TCF12: variants seen among roughly 807,000 people sequenced by gnomAD.
The protein encoded by TCF12 is DNA-binding protein HTF4.
A neutral mutation model predicts 86.0 loss-of-function variants in TCF12; 45 were observed. The ratio of observed to expected loss-of-function variants is 0.52; its 90% CI spans 0.41 to 0.67. The LOEUF (loss-of-function observed/expected upper bound fraction) is 0.67, where lower values mean the gene tolerates loss of function less well. Ranked by LOEUF, TCF12 falls within the 30% of genes least tolerant of loss-of-function variation. The pLI is 0.00. For missense variants in TCF12, 881 were observed against 859.9 expected (o/e 1.02, Z -0.31); for synonymous variants, 330 against 299.6 (o/e 1.10, Z -1.05).
chr15:57,012,880 C>T (rs1052575684), intron 3 of TCF12, among the ~76,000 whole-genome samples: 1 of 152,028 alleles, frequency 6.6e-6, no homozygotes, highest in Non-Finnish European at 1.5e-5. Flanking sequence ...TTCTAGTTTC[C>T]CTTATGCTTC....
At chr15:57,161,772 A>G (rs192984580) in intron 5 of TCF12, among the ~76,000 whole-genome samples, 137 of 152,320 alleles carry the variant, frequency 9.0e-4, no homozygotes, top group African/African-American at 3.2e-3. Flanking sequence ...AGTTTTTGTC[A>G]CAGTAGAACA....
At chr15:56,934,197 A>G (rs538116270) in intron 3 of TCF12, among the ~76,000 whole-genome samples, 16 of 152,278 alleles carry the variant, frequency 1.1e-4, no homozygotes, top group Admixed American at 1.0e-3. Context: ...CTTGTTGAGG[A>G]TCTGCTGTAG....
At chr15:57,188,502 C>T (rs1215812956) in intron 6 of TCF12, among the ~76,000 whole-genome samples, 1 of 152,032 alleles carries the variant, frequency 6.6e-6, no homozygotes, top group Non-Finnish European at 1.5e-5. Context: ...TTCAAGATCC[C>T]AAGTAGCCAC....
Position 57,286,857 on chromosome 15 carries a change from T to G in TCF12, c.*712T>G. The G allele has an allele frequency of 2.7e-6, 1 of 364,990 alleles. No individual in the cohort carries two copies. The highest frequency in any genetic ancestry group is 5.4e-6 in the Non-Finnish European group (1 of 186,702). The allele number at this position is 364,990 out of a possible 1,614,324, so 22.6% of individuals were successfully genotyped here. On this transcript the variant is annotated 3_prime_UTR_variant, in exon 21 of 21. Transcript: ENST00000333725. The stretch of plus-strand genomic sequence containing the variant: ...TTGATCTCTAAATCTGAACAGTTTA[T>G]GGTCACAGTCCAGCCTCCTCCGTGC...
At chr15:57,238,437 C>T (rs1441243302) in intron 12 of TCF12, among the ~76,000 whole-genome samples, 1 of 152,172 alleles carries the variant, frequency 6.6e-6, no homozygotes, top group Admixed American at 6.5e-5. Flanking sequence ...CCATGCCTAC[C>T]TAACAGTGTG....
rs2062042588 is a variant in TCF12 at position 57,289,706 on chromosome 15, C to T, written c.*3561C>T. 6.6e-6 allele frequency: 1 copy of T among 152,040 alleles called. No homozygotes were observed. Among genetic ancestry groups the T allele is most frequent in the Admixed American group, 6.6e-5 (1 of 15,260 alleles). The allele number at this position is 152,040 out of a possible 1,614,324, so 9.4% of individuals were successfully genotyped here. On this transcript the variant is annotated 3_prime_UTR_variant, in exon 21 of 21. Transcript: ENST00000333725. ...AAATCTAAGCTCAACATCTGATTAACTTCATTTTCCTATCTGAAAAATGGA... is the reference window on the plus strand; with the variant it reads ...AAATCTAAGCTCAACATCTGATTAATTTCATTTTCCTATCTGAAAAATGGA...
intron 4 of TCF12, among the ~76,000 whole-genome samples, chr15:57,090,034 G>A (rs528746936): frequency 1.3e-5 from 2 of 152,100 alleles, no homozygotes; most frequent in South Asian, 4.1e-4. Flanking sequence ...GGGCAACATA[G>A]TGAGACCCCA....
At chr15:57,158,659 G>A (rs2054289518) in intron 5 of TCF12, among the ~76,000 whole-genome samples, 1 of 152,200 alleles carries the variant, frequency 6.6e-6, no homozygotes, top group African/African-American at 2.4e-5. Context: ...CATATGTGAT[G>A]AGATAAAGGC....
intron 8 of TCF12, among the ~76,000 whole-genome samples, chr15:57,209,113 A>T (rs941094678): frequency 1.2e-4 from 18 of 152,338 alleles, no homozygotes; most frequent in Non-Finnish European, 2.1e-4. Context: ...AAGGACTACA[A>T]GGCCATTATT....
intron 3 of TCF12, among the ~76,000 whole-genome samples, chr15:57,051,156 T>C (rs990835904): frequency 1.9e-4 from 29 of 152,338 alleles, no homozygotes; most frequent in African/African-American, 7.0e-4. Context: ...TTGATTATCT[T>C]GAGGCATGGT....
At chr15:57,269,575 A>G (rs1231117839) in intron 18 of TCF12, among the ~76,000 whole-genome samples, 2 of 151,934 alleles carry the variant, frequency 1.3e-5, no homozygotes, top group East Asian at 1.9e-4. Context: ...TAATATTGTT[A>G]TGTGTGAAAT....
In TCF12 at chr15:57,192,262, GA is replaced by G; in HGVS notation, c.496del (p.Arg166GlyfsTer79). On this transcript the variant is annotated frameshift_variant, in exon 7 of 21. Transcript: ENST00000333725. LOFTEE classifies it high-confidence loss of function. ...YYSFSATSSR[R>X]RPLHDSAALD... is the part of the protein sequence containing the mutation. ...ATTCATTCTCTGCTACAAGTTCCAG[GA>G]GGAGACCACTCCATGACTCTGCAGC... 6.2e-7 allele frequency: 1 copy of G among 1,614,068 alleles called. No individual in the cohort carries two copies. The highest frequency in any genetic ancestry group is 8.5e-7 in the Non-Finnish European group (1 of 1,180,000).
At chr15:57,018,005 T>C (rs1455465391) in intron 3 of TCF12, among the ~76,000 whole-genome samples, 2 of 152,194 alleles carry the variant, frequency 1.3e-5, no homozygotes, top group African/African-American at 4.8e-5. Context: ...GTTGAGGTGT[T>C]ACTGTTGAAT....
intron 8 of TCF12, among the ~76,000 whole-genome samples, chr15:57,213,170 C>T (rs1392835042): frequency 6.6e-6 from 1 of 152,146 alleles, no homozygotes; most frequent in African/African-American, 2.4e-5. Context: ...ATGACTGACA[C>T]CATTTCCCAT....
chr15:56,943,435 A>G (rs1302426816), intron 3 of TCF12, among the ~76,000 whole-genome samples: 1 of 152,218 alleles, frequency 6.6e-6, no homozygotes, highest in Non-Finnish European at 1.5e-5. Context: ...GACAAGTCCT[A>G]CTGTAATAAA....
At chr15:57,107,578 T>A (rs541961881) in intron 5 of TCF12, among the ~76,000 whole-genome samples, 3 of 152,204 alleles carry the variant, frequency 2.0e-5, no homozygotes, top group Admixed American at 1.3e-4. Flanking sequence ...CTTGGGGGGA[T>A]AATGATGTGT....
intron 11 of TCF12, among the ~76,000 whole-genome samples, chr15:57,233,073 GTGT>G (rs2059224021): frequency 1.3e-5 from 2 of 148,518 alleles, no homozygotes; most frequent in Admixed American, 6.8e-5. Flanking sequence ...ATGTATATGT[GTGT>G]TTTTTATATA....
rs1566940697 is a variant in TCF12, at chr15:57,223,652, T to TGTTGTTTTTTTTTTG, written c.580-7500_580-7499insGTTGTTTTTTTTTTG. On this transcript the variant is annotated intron_variant, in intron 8 of 20. Transcript: ENST00000333725. ...CCTGCCTACCAATGAGGTTTTTTTT[T>TGTTGTTTTTTTTTTG]TTTTTTTTTTTTTTTTTTTAGAAAT... is the stretch of plus-strand genomic sequence containing the variant. Among the ~76,000 whole-genome samples, 38 of 139,278 alleles carry TGTTGTTTTTTTTTTG rather than the reference T, an allele frequency of 2.7e-4. 1 individual carries two copies. Among genetic ancestry groups the TGTTGTTTTTTTTTTG allele is most frequent in the African/African-American group, 8.6e-4 (34 of 39,592 alleles). The allele number at this position is 139,278 out of a possible 152,430, so 91.4% of individuals were successfully genotyped here. A position where few individuals can be genotyped will look rare whatever the true frequency, so the allele number is the denominator to read the frequency against.
At chr15:57,262,866 A>C (rs537404693) in intron 17 of TCF12, among the ~76,000 whole-genome samples, 2 of 152,208 alleles carry the variant, frequency 1.3e-5, no homozygotes, top group Non-Finnish European at 2.9e-5. Context: ...AGTGCCTGAA[A>C]GTGAGCATTA....
Sources: allele counts gnomAD v4.1 joint callset (sites outside exome capture counted in the v4.1 genomes callset), GRCh38; gene constraint gnomAD v4.1.1; transcripts MANE v1.5; gene names NCBI Gene and HGNC (gene_info 2026-07-23, HGNC 2026-07-21).